Variants in SLIT3 observed in about 807,000 individuals in gnomAD.
SLIT3 encodes slit guidance ligand 3.
Under a neutral mutation model 184.0 loss-of-function variants are expected in SLIT3, and 68 were observed. The observed-to-expected ratio is 0.37, with a 90% CI of 0.30 to 0.45. SLIT3 has a LOEUF of 0.45. Among genes scored for constraint, SLIT3 ranks in the 20% least tolerant of loss-of-function variants. The pLI, the probability that SLIT3 is intolerant of heterozygous loss-of-function variation, is 1.00. For synonymous variants in SLIT3, 831 were observed against 828.6 expected (o/e 1.00, Z -0.05); for missense variants, 1,707 against 2,026.0 (o/e 0.84, Z 3.02).
At chr5:169,256,427 A>G (rs1765961463) in intron 1 of SLIT3, among the ~76,000 whole-genome samples, 1 of 152,220 alleles carries the variant, frequency 6.6e-6, no homozygotes, top group Non-Finnish European at 1.5e-5. Context: ...GGCTATACCC[A>G]TATCTCCTAT....
At chr5:168,979,941 C>T (rs564255020) in intron 4 of SLIT3, among the ~76,000 whole-genome samples, 1 of 152,068 alleles carries the variant, frequency 6.6e-6, no homozygotes, top group Non-Finnish European at 1.5e-5. Flanking sequence ...CTTCTTAGCT[C>T]CTAGGCTCAC....
chr5:169,020,172 T>C (rs1277499613), intron 4 of SLIT3, among the ~76,000 whole-genome samples: 1 of 152,214 alleles, frequency 6.6e-6, no homozygotes, highest in Non-Finnish European at 1.5e-5. Flanking sequence ...ATCTGGCCTT[T>C]TACAGAAAGT....
intron 14 of SLIT3, 132 bp from the exon 15 acceptor site, chr5:168,762,821 G>A (rs534799480): frequency 4.8e-6 from 4 of 825,644 alleles, no homozygotes; most frequent in East Asian, 2.5e-5. Context: ...TAACAGACAC[G>A]GCATCGCCTT....
In SLIT3 at chr5:168,707,957, G is replaced by A. The variant is rs200672404; in HGVS notation, c.2844+19C>T. 2.1e-4 allele frequency: 341 copies of A among 1,613,956 alleles called. 1 individual carries two copies. Among genetic ancestry groups the A allele is most frequent in the Non-Finnish European group, 2.5e-5 (29 of 1,179,928 alleles). On this transcript the variant is annotated intron_variant, in intron 26 of 35. Coordinates refer to ENST00000519560, the MANE Select transcript of SLIT3 (RefSeq NM_003062.4). ...GGAGCCTGAGGCATGAACACGGGGG[G>A]GCAGGGCCTCCAGCATACCTTGTAG... is the stretch of plus-strand genomic sequence containing the variant.
At chr5:169,052,065 C>G (rs547280835) in intron 4 of SLIT3, among the ~76,000 whole-genome samples, 26 of 149,892 alleles carry the variant, frequency 1.7e-4, no homozygotes, top group Non-Finnish European at 3.4e-4. Flanking sequence ...AAAGATGCCC[C>G]CCTCCAGCCA....
intron 3 of SLIT3, among the ~76,000 whole-genome samples, chr5:169,197,466 C>A (rs549692313): frequency 3.0e-4 from 46 of 152,248 alleles, no homozygotes; most frequent in Non-Finnish European, 5.9e-4. Context: ...AAAGCAGCCC[C>A]TCAACAGGAA....
chr5:169,155,779 G>A (rs914091551), intron 4 of SLIT3, among the ~76,000 whole-genome samples: 1 of 152,210 alleles, frequency 6.6e-6, no homozygotes, highest in Non-Finnish European at 1.5e-5. Context: ...TTTCTAAAGG[G>A]ACAGAAGTGG....
rs550529050 is a variant in SLIT3 at position 168,717,882 on chromosome 5, G to C, written c.2483+4374C>G. Among the ~76,000 whole-genome samples the C allele has an allele frequency of 2.0e-5, 3 of 152,066 alleles. No homozygotes were observed. In the East Asian group the frequency reaches 5.8e-4, roughly 29 times the overall value. On this transcript the variant is annotated intron_variant, in intron 23 of 35. Coordinates refer to ENST00000519560, the MANE Select transcript of SLIT3 (RefSeq NM_003062.4). ...TCACCATATTAGCCAGGATGGTCTCGATCTCCTGACCTCATGATCCACCCG... is the reference window on the plus strand; with the variant it reads ...TCACCATATTAGCCAGGATGGTCTCCATCTCCTGACCTCATGATCCACCCG...
chr5:169,286,401 C>G (rs539441647), intron 1 of SLIT3, among the ~76,000 whole-genome samples: 28 of 152,072 alleles, frequency 1.8e-4, no homozygotes, highest in African/African-American at 6.3e-4. Context: ...AGCCACTTCC[C>G]GAAGCAGCTG....
At chr5:169,028,483 A>G (rs1756911910) in intron 4 of SLIT3, among the ~76,000 whole-genome samples, 1 of 152,170 alleles carries the variant, frequency 6.6e-6, no homozygotes, top group Non-Finnish European at 1.5e-5. Flanking sequence ...GTGACCTCCT[A>G]GGATTCTTGC....
intron 23 of SLIT3, among the ~76,000 whole-genome samples, chr5:168,719,764 A>G (rs1053175269): frequency 1.3e-5 from 2 of 152,198 alleles, no homozygotes; most frequent in African/African-American, 4.8e-5. Context: ...TAGTGGGAGA[A>G]AGGACATTTT....
chr5:168,670,775 G>T (rs915377170), intron 34 of SLIT3, among the ~76,000 whole-genome samples: 4 of 152,198 alleles, frequency 2.6e-5, no homozygotes, highest in African/African-American at 7.2e-5. Flanking sequence ...GGCCTGGCAC[G>T]TAGTAGGACC....
chr5:169,104,072 A>C (rs563926231), intron 4 of SLIT3, among the ~76,000 whole-genome samples: 1 of 152,280 alleles, frequency 6.6e-6, no homozygotes, highest in South Asian at 2.1e-4. Context: ...AGCCCTGATT[A>C]ATTGGCCCAC....
At chr5:168,937,039 A>T (rs1289340763) in intron 4 of SLIT3, among the ~76,000 whole-genome samples, 1 of 152,078 alleles carries the variant, frequency 6.6e-6, no homozygotes, top group Non-Finnish European at 1.5e-5. Flanking sequence ...GCAATCAGAA[A>T]AGGCTTTCTG....
At chr5:168,986,418 C>G (rs1485096666) in intron 4 of SLIT3, among the ~76,000 whole-genome samples, 1 of 152,126 alleles carries the variant, frequency 6.6e-6, no homozygotes, top group African/African-American at 2.4e-5. Context: ...GCCCTCCTCT[C>G]CCTTTGGGTA....
intron 26 of SLIT3, among the ~76,000 whole-genome samples, chr5:168,704,714 C>T (rs1384388660): frequency 6.6e-6 from 1 of 152,198 alleles, no homozygotes; most frequent in Non-Finnish European, 1.5e-5. Context: ...AAATGTTACA[C>T]AGTGATTCCT....
intron 3 of SLIT3, among the ~76,000 whole-genome samples, chr5:169,206,464 GA>G (rs1764070759): frequency 2.0e-5 from 3 of 152,198 alleles, no homozygotes; most frequent in Non-Finnish European, 4.4e-5. Flanking sequence ...AATTGAAATA[GA>G]AATACTCTAG....
chr5:168,912,202 T>C (rs1031590384), intron 4 of SLIT3, among the ~76,000 whole-genome samples: 2 of 152,216 alleles, frequency 1.3e-5, no homozygotes, highest in African/African-American at 4.8e-5. Flanking sequence ...GCTTACTTTA[T>C]TGTAAAAATA....
At chr5:169,046,111 G>A (rs1451867432) in intron 4 of SLIT3, among the ~76,000 whole-genome samples, 1 of 152,176 alleles carries the variant, frequency 6.6e-6, no homozygotes, top group Non-Finnish European at 1.5e-5. Flanking sequence ...GACAGTGTAT[G>A]GAGGGAGACC....
Sources: gnomAD v4.1 joint callset for allele counts (sites outside exome capture counted in the v4.1 genomes callset) on GRCh38, gnomAD v4.1.1 for gene constraint, MANE v1.5 for transcripts, NCBI Gene and HGNC (gene_info 2026-07-23, HGNC 2026-07-21) for gene names.